Variants in METTL15 observed in about 807,000 individuals in gnomAD.
The protein encoded by METTL15 is methyltransferase 15, mitochondrial 12S rRNA N4-cytidine.
METTL15 carries 34 observed loss-of-function variants against 38.3 expected under a neutral mutation model. The observed-to-expected ratio is 0.89, with a 90% CI of 0.68 to 1.18. The LOEUF (loss-of-function observed/expected upper bound fraction) is 1.18, where lower values mean the gene tolerates loss of function less well. Among genes scored for constraint, METTL15 ranks in the 50% most tolerant of loss-of-function variants. The pLI is 0.00. For synonymous variants in METTL15, 162 were observed against 170.9 expected, an observed-to-expected ratio of 0.95 and a Z score of 0.41; for missense variants, 438 against 498.4, an observed-to-expected ratio of 0.88 and a Z score of 1.15.
chr11:28,194,515 G>A (rs1851837656), intron 3 of METTL15, among the ~76,000 whole-genome samples: 1 of 151,716 alleles, frequency 6.6e-6, no homozygotes, highest in Non-Finnish European at 1.5e-5. Context: ...CTTTCATTCT[G>A]CGGTTGAAAC....
chr11:28,212,224 T>A (rs1852671449), intron 4 of METTL15, among the ~76,000 whole-genome samples: 1 of 151,042 alleles, frequency 6.6e-6, no homozygotes, highest in Non-Finnish European at 1.5e-5. Flanking sequence ...ACACATAAGC[T>A]TTTGTTTACA....
chr11:28,187,366 C>T (rs1851535315), intron 3 of METTL15, among the ~76,000 whole-genome samples: 1 of 150,750 alleles, frequency 6.6e-6, no homozygotes, highest in Admixed American at 6.7e-5. Flanking sequence ...TAAGATTGTA[C>T]ATTGGTATAC....
chr11:28,413,823 A>C (rs1203373117), intron 5 of METTL15, among the ~76,000 whole-genome samples: 1 of 151,978 alleles, frequency 6.6e-6, no homozygotes, highest in East Asian at 1.9e-4. Flanking sequence ...TTTTAAAGAA[A>C]GATAGTCAAA....
At chr11:28,525,942 C>T (rs1204294191) in intron 6 of METTL15, among the ~76,000 whole-genome samples, 1 of 152,202 alleles carries the variant, frequency 6.6e-6, no homozygotes, top group Admixed American at 6.5e-5. Context: ...CTGACCCCTG[C>T]CCCAAGGGGA....
intron 6 of METTL15, among the ~76,000 whole-genome samples, chr11:28,442,605 A>G (rs1223340659): frequency 1.3e-5 from 2 of 152,182 alleles, no homozygotes; most frequent in Non-Finnish European, 1.5e-5. Flanking sequence ...TTACATTGCA[A>G]AATGCAAAAA....
At chr11:28,346,126 C>T (rs967308466) in intron 3 of METTL15, among the ~76,000 whole-genome samples, 2 of 152,154 alleles carry the variant, frequency 1.3e-5, no homozygotes, top group Admixed American at 6.6e-5. Flanking sequence ...TTTGGAATAA[C>T]AATTTTCTTG....
At chr11:28,176,928 G>A (rs998481962) in intron 3 of METTL15, among the ~76,000 whole-genome samples, 1 of 152,066 alleles carries the variant, frequency 6.6e-6, no homozygotes, top group Non-Finnish European at 1.5e-5. Context: ...CTGGATAATG[G>A]ACATCAAAAG....
At chr11:28,160,870 C>T (rs1850431604) in intron 3 of METTL15, among the ~76,000 whole-genome samples, 1 of 151,930 alleles carries the variant, frequency 6.6e-6, no homozygotes, top group African/African-American at 2.4e-5. Context: ...ATTTAGGTAG[C>T]TCTTCATTTA....
At chr11:28,324,688 C>G (rs1849574585) in intron 6 of METTL15, among the ~76,000 whole-genome samples, 1 of 152,094 alleles carries the variant, frequency 6.6e-6, no homozygotes, top group South Asian at 2.1e-4. Context: ...TTTCATAATG[C>G]TTTTTGTGAC....
chr11:28,404,987 A>C (rs1219971191), intron 5 of METTL15, among the ~76,000 whole-genome samples: 1 of 152,140 alleles, frequency 6.6e-6, no homozygotes, highest in Non-Finnish European at 1.5e-5. Flanking sequence ...GATCTTCTTC[A>C]AGCCCATAAA....
At chr11:28,437,279 C>A (rs1432038228) in intron 6 of METTL15, among the ~76,000 whole-genome samples, 1 of 152,170 alleles carries the variant, frequency 6.6e-6, no homozygotes, top group East Asian at 1.9e-4. Context: ...TTAATAAACT[C>A]CCTTTCATAT....
intron 6 of METTL15, chr11:28,327,964 A>G (rs1226446744): frequency 2.3e-6 from 2 of 861,886 alleles, no homozygotes; most frequent in African/African-American, 1.8e-5. Flanking sequence ...TCTGCAAAAT[A>G]TCAAAGATAA....
intron 4 of METTL15, among the ~76,000 whole-genome samples, chr11:28,241,458 C>T (rs1306488288): frequency 1.2e-4 from 18 of 151,392 alleles, no homozygotes; most frequent in Admixed American, 4.6e-4. Context: ...GGCGTGAACC[C>T]GGGAGGCGGA....
intron 3 of METTL15, among the ~76,000 whole-genome samples, chr11:28,181,592 AT>A (rs137935737): frequency 0.62 from 93,524 of 151,698 alleles, 30,569 homozygotes; most frequent in Admixed American, 0.75. Context: ...TAAACTCATC[AT>A]TTTTTAAGGC....
intron 3 of METTL15, among the ~76,000 whole-genome samples, chr11:28,194,136 C>CTTTCT (rs1280548898): frequency 8.8e-6 from 1 of 113,354 alleles, no homozygotes; most frequent in African/African-American, 3.4e-5. Flanking sequence ...TTCTTTCTTT[C>CTTTCT]TTTCTTTCTT....
Position 28,211,216 on chromosome 11 carries a change from A to G in METTL15, c.407+18A>G. 1.3e-6 allele frequency: 2 copies of G among 1,589,952 alleles called. No homozygotes were observed. Among genetic ancestry groups the G allele is most frequent in the African/African-American group, 1.4e-5 (1 of 73,732 alleles). On this transcript the variant is annotated intron_variant, in intron 4 of 6. Coordinates refer to ENST00000407364, the MANE Select transcript of METTL15 (RefSeq NM_001113528.2). ...TTGTATCCGTAAGTAATACCCTTGC[A>G]TATTTATTTGATTTTGGTTCTTAGT...
chr11:28,135,828 T>G (rs896886848), intron 3 of METTL15, among the ~76,000 whole-genome samples: 1 of 152,308 alleles, frequency 6.6e-6, no homozygotes, highest in South Asian at 2.1e-4. Context: ...CAAAATAAAT[T>G]TCCTTGACTC....
intron 4 of METTL15, among the ~76,000 whole-genome samples, chr11:28,255,474 C>G (rs1157873170): frequency 6.6e-6 from 1 of 152,116 alleles, no homozygotes; most frequent in Non-Finnish European, 1.5e-5. Context: ...CTAGGACTTC[C>G]AGTACTGTGT....
At chr11:28,224,714 T>C (rs957235450) in intron 4 of METTL15, among the ~76,000 whole-genome samples, 1 of 151,828 alleles carries the variant, frequency 6.6e-6, no homozygotes, top group African/African-American at 2.4e-5. Flanking sequence ...TATATACTCT[T>C]ATCTATATTC....
Sources: allele counts gnomAD v4.1 joint callset (sites outside exome capture counted in the v4.1 genomes callset), GRCh38; gene constraint gnomAD v4.1.1; transcripts MANE v1.5; gene names NCBI Gene and HGNC (gene_info 2026-07-23, HGNC 2026-07-21).